MAS1: variants seen among roughly 807,000 people sequenced by gnomAD.
The protein encoded by MAS1 is proto-oncogene Mas.
For synonymous variants in MAS1, 163 were observed against 164.2 expected, an observed-to-expected ratio of 0.99 and a Z score of 0.05; for missense variants, 387 against 409.7, an observed-to-expected ratio of 0.94 and a Z score of 0.48.
At position 159,912,523 on chromosome 6, in the gene MAS1, T is replaced by G. The variant is rs985142966; in HGVS notation, c.*4590T>G. ...AGGAGGAGGTGGGAGCAATCAAGTA[T>G]TTGCTTGCTTGATTCCACAAACAAG... On this transcript the variant is annotated 3_prime_UTR_variant, in exon 3 of 3. Transcript: ENST00000674077. 4 of 152,226 alleles carry G rather than the reference T, an allele frequency of 2.6e-5. No homozygotes were observed. The highest frequency in any genetic ancestry group is 2.0e-4 in the Admixed American group (3 of 15,286). 9.4% of individuals were successfully genotyped at this position (152,226 alleles called of 1,614,324 possible).
chr6:159,889,771 T>C (rs530858930), upstream of MAS1, among the ~76,000 whole-genome samples: 27 of 152,362 alleles, frequency 1.8e-4, no homozygotes, highest in African/African-American at 6.3e-4. Flanking sequence ...TGCTCAGCAC[T>C]GCCTACCCAG....
chr6:159,916,060 A>G lies in MAS1; in HGVS notation c.*8127A>G, dbSNP rs970795178. 2 of 152,320 alleles carry G rather than the reference A, an allele frequency of 1.3e-5. No individual in the cohort carries two copies. Among genetic ancestry groups the G allele is most frequent in the Admixed American group, 6.5e-5 (1 of 15,288 alleles). 9.4% of individuals were successfully genotyped at this position (152,320 alleles called of 1,614,324 possible). A position where few individuals can be genotyped will look rare whatever the true frequency, so the allele number is the denominator to read the frequency against. On this transcript the variant is annotated 3_prime_UTR_variant, in exon 3 of 3. Coordinates refer to ENST00000674077, the MANE Select transcript of MAS1 (RefSeq NM_002377.4). Reference sequence around the variant, plus strand: ...ACAGGATCTACCTGCAAGTGACTACAGGGGTGGCTTCAGGGCTGACCAATG... The same window carrying G: ...ACAGGATCTACCTGCAAGTGACTACGGGGGTGGCTTCAGGGCTGACCAATG...
intron 1 of MAS1, among the ~76,000 whole-genome samples, 154 bp downstream of exon 1, chr6:159,891,287 G>A (rs907790839): frequency 1.3e-4 from 20 of 152,170 alleles, no homozygotes; most frequent in Admixed American, 3.9e-4. Flanking sequence ...TGCCGTTGGT[G>A]TGTGTTGGCA....
At position 159,907,620 on chromosome 6, in the gene MAS1, A is replaced by G; in HGVS notation, c.665A>G (p.His222Arg). 6.2e-7 allele frequency: 1 copy of G among 1,613,716 alleles called. No homozygotes were observed. Among genetic ancestry groups the G allele is most frequent in the Non-Finnish European group, 8.5e-7 (1 of 1,179,960 alleles). The change falls in exon 3 of 3, where the codon CAT becomes CGT. Residue 222 changes from histidine to arginine, a missense_variant. Transcript: ENST00000674077. ...VKIRKNTWAS[H>R]SSKLYIVIMV... ...ATCCGGAAGAACACGTGGGCTTCCC[A>G]TTCCTCCAAGCTTTACATAGTCATC...
chr6:159,909,455 C>G lies in MAS1; in HGVS notation c.*1522C>G, dbSNP rs1254504927. 2 of 152,150 alleles carry G rather than the reference C, an allele frequency of 1.3e-5. No individual in the cohort carries two copies. Among genetic ancestry groups the G allele is most frequent in the African/African-American group, 4.8e-5 (2 of 41,432 alleles). The allele number at this position is 152,150 out of a possible 1,614,324, so 9.4% of individuals were successfully genotyped here. ...TTCGCTGGGGGAGAGGAGTCTGTCC[C>G]CTCGAGCAAGGACCCCACTGCCAGC... is the stretch of plus-strand genomic sequence containing the variant. On this transcript the variant is annotated 3_prime_UTR_variant, in exon 3 of 3. Coordinates refer to ENST00000674077, the MANE Select transcript of MAS1 (RefSeq NM_002377.4).
Position 159,914,390 on chromosome 6 carries a change from T to C in MAS1, c.*6457T>C, listed in dbSNP as rs1212422570. ...GTGGTGTCAGAGCTTTGCTACTTAG[T>C]ATTGGAACTTAAACTCTGGTCTGTT... On this transcript the variant is annotated 3_prime_UTR_variant, in exon 3 of 3. Transcript: ENST00000674077. 1 of 152,206 alleles carries C rather than the reference T, an allele frequency of 6.6e-6. No individual in the cohort carries two copies. The highest frequency in any genetic ancestry group is 1.9e-4 in the East Asian group (1 of 5,200). 9.4% of individuals were successfully genotyped at this position (152,206 alleles called of 1,614,324 possible). A position where few individuals can be genotyped will look rare whatever the true frequency, so the allele number is the denominator to read the frequency against.
intron 1 of MAS1, among the ~76,000 whole-genome samples, chr6:159,896,749 C>T (rs769951784): frequency 2.0e-4 from 30 of 152,150 alleles, no homozygotes; most frequent in Admixed American, 2.0e-4. Context: ...TTTATCAAGA[C>T]GGGGGAATTG....
At chr6:159,900,359 G>A (rs998373369) in intron 2 of MAS1, among the ~76,000 whole-genome samples, 1 of 152,198 alleles carries the variant, frequency 6.6e-6, no homozygotes, top group African/African-American at 2.4e-5. Context: ...CAGAGTTGAA[G>A]AATCCACAAA....
chr6:159,901,212 C>T (rs1782817599), intron 2 of MAS1, among the ~76,000 whole-genome samples: 1 of 152,196 alleles, frequency 6.6e-6, no homozygotes, highest in South Asian at 2.1e-4. Flanking sequence ...TAATTACCTC[C>T]CTACAAGGCC....
intron 2 of MAS1, among the ~76,000 whole-genome samples, chr6:159,901,664 AC>A (rs1782823740): frequency 6.6e-6 from 1 of 152,062 alleles, no homozygotes; most frequent in Admixed American, 6.6e-5. Context: ...TTGGGTATGA[AC>A]ATAGCAAGAT....
chr6:159,917,306 A>G lies in MAS1; in HGVS notation c.*9373A>G, dbSNP rs1783039391. ...TAAAAAACGAGAGATTTTCTGTAGT[A>G]AGTACATTGCCTGTAAATAGAATTC... On this transcript the variant is annotated 3_prime_UTR_variant, in exon 3 of 3. Coordinates refer to ENST00000674077, the MANE Select transcript of MAS1 (RefSeq NM_002377.4). Among the ~76,000 whole-genome samples the G allele has an allele frequency of 6.6e-6, 1 of 152,240 alleles. No individual in the cohort carries two copies.
rs769476795 is a variant in MAS1, at chr6:159,907,864, C to A, written c.909C>A (p.Phe303Leu). The change falls in exon 3 of 3, where the codon TTC (phenylalanine) becomes TTA (leucine). Residue 303 changes from phenylalanine (F) to leucine (L), a missense_variant. Phe to Leu is a conservative substitution (Grantham distance 22). Coordinates refer to ENST00000674077, the MANE Select transcript of MAS1 (RefSeq NM_002377.4). Reference protein sequence around the residue: ...ESLKVVLTRAFKDEMQPRRQK... With the variant: ...ESLKVVLTRALKDEMQPRRQK... ...TAAAAGTTGTTCTGACCAGGGCTTT[C>A]AAAGATGAAATGCAACCTCGGCGCC... 10 of 1,611,092 alleles carry A rather than the reference C, an allele frequency of 6.2e-6. No homozygotes were observed. In the South Asian group the frequency reaches 9.9e-5, roughly 16 times the overall value.
intron 2 of MAS1, among the ~76,000 whole-genome samples, chr6:159,904,725 C>A (rs899907117): frequency 6.6e-6 from 1 of 152,174 alleles, no homozygotes; most frequent in African/African-American, 2.4e-5. Context: ...GGTTTATTAT[C>A]TCACTGGGGG....
chr6:159,910,370 T>C lies in MAS1; in HGVS notation c.*2437T>C, dbSNP rs1050347485. ...GCTGCACACAAGTTTGTTTGACAAG[T>C]GTTAGGAACAAAATTGTGTGGCAGA... On this transcript the variant is annotated 3_prime_UTR_variant, in exon 3 of 3. Coordinates refer to ENST00000674077, the MANE Select transcript of MAS1 (RefSeq NM_002377.4). 2.6e-5 allele frequency: 4 copies of C among 152,214 alleles called. No individual in the cohort carries two copies. The highest frequency in any genetic ancestry group is 6.5e-5 in the Admixed American group (1 of 15,288). 9.4% of individuals were successfully genotyped at this position (152,214 alleles called of 1,614,324 possible).
chr6:159,891,281 G>A (rs915393956), intron 1 of MAS1, among the ~76,000 whole-genome samples, 148 bp downstream of exon 1: 9 of 152,136 alleles, frequency 5.9e-5, no homozygotes, highest in East Asian at 3.8e-4. Context: ...GATGTTTGCC[G>A]TTGGTGTGTG....
At chr6:159,904,845 C>T (rs980672031) in intron 2 of MAS1, among the ~76,000 whole-genome samples, 7 of 152,212 alleles carry the variant, frequency 4.6e-5, no homozygotes, top group South Asian at 2.1e-4. Flanking sequence ...GGCCTTTCTG[C>T]GGTTCTTCAC....
In MAS1 at chr6:159,910,969, T is replaced by C. The variant is rs1377343921; in HGVS notation, c.*3036T>C. The C allele has an allele frequency of 6.6e-6, 1 of 152,242 alleles. No individual in the cohort carries two copies. The highest frequency in any genetic ancestry group is 1.5e-5 in the Non-Finnish European group (1 of 68,060). The allele number at this position is 152,242 out of a possible 1,614,324, so 9.4% of individuals were successfully genotyped here. On this transcript the variant is annotated 3_prime_UTR_variant, in exon 3 of 3. Transcript: ENST00000674077. ...CCACAGTCTTCCTGAAATTATCTCT[T>C]TTCTTGGATTCTAGTTTGCTACATT...
chr6:159,895,154 C>T lies in MAS1; in HGVS notation c.-244+4021C>T, dbSNP rs111339805. 2.4e-4 allele frequency among the ~76,000 whole-genome samples: 37 copies of T among 152,238 alleles called. 1 individual carries two copies. The highest frequency in any genetic ancestry group is 7.9e-4 in the African/African-American group (33 of 41,518). The stretch of plus-strand genomic sequence containing the variant: ...TGGGTGTGTGAACTTCACACATAGA[C>T]GGACTGTTGACAATGAGCTGGTGTG... On this transcript the variant is annotated intron_variant, in intron 1 of 2. Coordinates refer to ENST00000674077, the MANE Select transcript of MAS1 (RefSeq NM_002377.4).
At position 159,910,184 on chromosome 6, in the gene MAS1, C is replaced by A. The variant is rs899792226; in HGVS notation, c.*2251C>A. ...GGGGAGGAGATTGTTTGGATAATGC[C>A]TGTCCTAACTGAACGGGAAGGGTTT... is the stretch of plus-strand genomic sequence containing the variant. On this transcript the variant is annotated 3_prime_UTR_variant, in exon 3 of 3. Transcript: ENST00000674077. The A allele has an allele frequency of 1.3e-5, 2 of 152,196 alleles. No homozygotes were observed. The highest frequency in any genetic ancestry group is 1.3e-4 in the Admixed American group (2 of 15,278). 9.4% of individuals were successfully genotyped at this position (152,196 alleles called of 1,614,324 possible).
Sources: gnomAD v4.1 joint callset for allele counts (sites outside exome capture counted in the v4.1 genomes callset) on GRCh38, gnomAD v4.1.1 for gene constraint, MANE v1.5 for transcripts, NCBI Gene and HGNC (gene_info 2026-07-23, HGNC 2026-07-21) for gene names.